The following EYA4 variants were observed in gnomAD, a reference collection of about 807,000 sequenced individuals.
EYA4 encodes the protein protein phosphatase EYA4.
A neutral mutation model predicts 87.9 loss-of-function variants in EYA4; 31 were observed. The ratio of observed to expected loss-of-function variants is 0.35; its 90% CI spans 0.27 to 0.48. EYA4 has a LOEUF of 0.48. Among genes scored for constraint, EYA4 ranks in the 20% least tolerant of loss-of-function variants. EYA4 has a pLI of 0.99. For missense variants in EYA4, 678 were observed against 761.4 expected, an observed-to-expected ratio of 0.89 and a Z score of 1.29; for synonymous variants, 263 against 270.6, an observed-to-expected ratio of 0.97 and a Z score of 0.28.
At chr6:133,443,239 C>T (rs575088190) in intron 3 of EYA4, among the ~76,000 whole-genome samples, 17 of 151,668 alleles carry the variant, frequency 1.1e-4, no homozygotes, top group Non-Finnish European at 1.8e-4. Flanking sequence ...AAAAAGTTTG[C>T]TAGTGTTTAT....
intron 2 of EYA4, among the ~76,000 whole-genome samples, chr6:133,307,787 T>C (rs1424069363): frequency 6.6e-6 from 1 of 152,110 alleles, no homozygotes; most frequent in Admixed American, 6.6e-5. Context: ...CGTGAGGAAA[T>C]TGAAGATTTG....
chr6:133,353,980 G>A (rs1783827168), intron 2 of EYA4, among the ~76,000 whole-genome samples: 1 of 152,160 alleles, frequency 6.6e-6, no homozygotes, highest in Non-Finnish European at 1.5e-5. Context: ...AAGACTTTTA[G>A]TACTCATGTG....
intron 2 of EYA4, among the ~76,000 whole-genome samples, chr6:133,311,565 T>C (rs1219150677): frequency 6.6e-6 from 1 of 151,036 alleles, no homozygotes; most frequent in East Asian, 1.9e-4. Flanking sequence ...GCACTCCTCT[T>C]GGTTCAGCCT....
chr6:133,342,549 C>A (rs1782859515), intron 2 of EYA4, among the ~76,000 whole-genome samples: 2 of 122,266 alleles, frequency 1.6e-5, no homozygotes, highest in South Asian at 5.0e-4. Context: ...TATATTGCTG[C>A]CATCCAGTTT....
intron 3 of EYA4, among the ~76,000 whole-genome samples, chr6:133,437,419 T>A (rs1377901217): frequency 6.6e-6 from 1 of 152,228 alleles, no homozygotes; most frequent in East Asian, 1.9e-4. Context: ...CTACTTTCTA[T>A]CTGTGTAACC....
At chr6:133,250,023 T>A (rs548126849) in intron 1 of EYA4, among the ~76,000 whole-genome samples, 1 of 152,324 alleles carries the variant, frequency 6.6e-6, no homozygotes, top group African/African-American at 2.4e-5. Flanking sequence ...GTAGAGGTAC[T>A]GGGAATGAGA....
chr6:133,273,903 G>T (rs1310705877), intron 1 of EYA4, among the ~76,000 whole-genome samples: 3 of 152,190 alleles, frequency 2.0e-5, no homozygotes, highest in South Asian at 2.1e-4. Context: ...CATTGTGTGT[G>T]TGTGGGTGTG....
intron 10 of EYA4, among the ~76,000 whole-genome samples, chr6:133,465,411 C>T (rs2128666306): frequency 6.6e-6 from 1 of 152,242 alleles, no homozygotes; most frequent in East Asian, 1.9e-4. Flanking sequence ...CTGACAGCTG[C>T]AACTTTTTGC....
At chr6:133,317,033 A>C (rs1780681565) in intron 2 of EYA4, among the ~76,000 whole-genome samples, 1 of 152,234 alleles carries the variant, frequency 6.6e-6, no homozygotes, top group Non-Finnish European at 1.5e-5. Context: ...TTTGGATCAA[A>C]AAAGGAAATG....
At chr6:133,464,686 CAA>C (rs752516420) in intron 9 of EYA4, 91 bp from the exon 10 acceptor site, 35 of 833,588 alleles carry the variant, frequency 4.2e-5, no homozygotes, top group Non-Finnish European at 7.0e-5. Context: ...CGACAAATTT[CAA>C]AGTGTTTCTC....
chr6:133,399,473 C>T (rs1788076585), intron 3 of EYA4, among the ~76,000 whole-genome samples: 1 of 151,992 alleles, frequency 6.6e-6, no homozygotes, highest in South Asian at 2.1e-4. Context: ...CAGGTTGATA[C>T]AAGCTGTTGA....
At chr6:133,307,190 G>A (rs1582908408) in intron 2 of EYA4, among the ~76,000 whole-genome samples, 1 of 152,134 alleles carries the variant, frequency 6.6e-6, no homozygotes, top group African/African-American at 2.4e-5. Context: ...TTTCTTCCAC[G>A]GTTTGAAAGA....
chr6:133,278,958 A>G (rs186624374), intron 2 of EYA4, among the ~76,000 whole-genome samples: 120 of 152,242 alleles, frequency 7.9e-4, no homozygotes, highest in Non-Finnish European at 1.3e-3. Flanking sequence ...CTCCCTTCAT[A>G]CTGTGAAATA....
chr6:133,288,208 G>A (rs1286356971), intron 2 of EYA4, among the ~76,000 whole-genome samples: 1 of 152,202 alleles, frequency 6.6e-6, no homozygotes, highest in Non-Finnish European at 1.5e-5. Context: ...TTAAGTAAAT[G>A]AATGGGCATG....
At chr6:133,355,519 T>C (rs1331154360) in intron 2 of EYA4, among the ~76,000 whole-genome samples, 1 of 152,178 alleles carries the variant, frequency 6.6e-6, no homozygotes, top group Non-Finnish European at 1.5e-5. Context: ...AACAAGATAA[T>C]GTCCTTTACA....
At chr6:133,491,096 C>G (rs1797111541) in intron 13 of EYA4, among the ~76,000 whole-genome samples, 1 of 151,896 alleles carries the variant, frequency 6.6e-6, no homozygotes, top group Admixed American at 6.6e-5. Flanking sequence ...ACAATAACTC[C>G]TGAATGACCA....
At position 133,468,716 on chromosome 6, in the gene EYA4, C is replaced by T. The variant is rs370874438; in HGVS notation, c.955C>T (p.Leu319=). 7 of 1,612,960 alleles carry T rather than the reference C, an allele frequency of 4.3e-6. No homozygotes were observed. The African/African-American group carries it at 9.4e-5, about 22-fold the overall frequency. ...TYQLQESLPG[L]TNQPGEFDTM... is the part of the protein sequence containing the mutation. ...TCAGTTGCAGGAATCTCTCCCAGGA[C>T]TGACTAACCAACCAGGTACAGATCT... Residue 319 remains leucine (L), a synonymous_variant, in exon 11 of 20, where the codon CTG becomes TTG. Coordinates refer to ENST00000355286, the MANE Select transcript of EYA4 (RefSeq NM_004100.5).
rs185025328 is a variant in EYA4, at chr6:133,433,679, G to A, written c.84-12951G>A. Among the ~76,000 whole-genome samples, 316 of 152,306 alleles carry A rather than the reference G, an allele frequency of 2.1e-3. 1 individual carries two copies. The highest frequency in any genetic ancestry group is 3.3e-3 in the Non-Finnish European group (224 of 68,020). On this transcript the variant is annotated intron_variant, in intron 3 of 19. Transcript: ENST00000355286. ...AACATGTTTATTGTGAGGGCATTGA[G>A]GGCATGCTAAGAAAGTTTGTAGGTG...
At chr6:133,272,019 C>T (rs970747641) in intron 1 of EYA4, among the ~76,000 whole-genome samples, 4 of 152,184 alleles carry the variant, frequency 2.6e-5, no homozygotes, top group Non-Finnish European at 5.9e-5. Context: ...AGCCAAAAAC[C>T]ATTGGCTACA....
Sources: gnomAD v4.1 joint callset for allele counts (sites outside exome capture counted in the v4.1 genomes callset) on GRCh38, gnomAD v4.1.1 for gene constraint, MANE v1.5 for transcripts, NCBI Gene and HGNC (gene_info 2026-07-23, HGNC 2026-07-21) for gene names.